MYO7B: variants seen among roughly 807,000 people sequenced by gnomAD.
MYO7B encodes the protein myosin VIIB.
In MYO7B, 212 loss-of-function variants were observed where a neutral mutation model predicts 259.7. The ratio of observed to expected loss-of-function variants is 0.82; its 90% confidence interval spans 0.73 to 0.91. The LOEUF (loss-of-function observed/expected upper bound fraction) is 0.91, where lower values mean the gene tolerates loss of function less well. Among genes scored for constraint, MYO7B ranks in the 40% least tolerant of loss-of-function variants. The pLI is 0.00. For missense variants in MYO7B, 2,732 were observed against 2,813.5 expected, an observed-to-expected ratio of 0.97 and a Z score of 0.66; for synonymous variants, 1,197 against 1,166.4, an observed-to-expected ratio of 1.03 and a Z score of -0.54.
intron 47 of MYO7B, 141 bp downstream of exon 47, chr2:127,637,054 G>T (rs1479770718): frequency 1.4e-6 from 2 of 1,409,784 alleles, no homozygotes; most frequent in Admixed American, 2.0e-5. Context: ...ATCTGGAGAG[G>T]GCCTGGGTGC....
Position 127,637,490 on chromosome 2 carries a change from C to T in MYO7B, c.*73C>T, listed in dbSNP as rs1681917558. 3.5e-6 allele frequency: 4 copies of T among 1,144,470 alleles called. No homozygotes were observed. Among genetic ancestry groups the T allele is most frequent in the East Asian group, 5.2e-5 (2 of 38,606 alleles). 70.9% of individuals were successfully genotyped at this position (1,144,470 alleles called of 1,614,324 possible). On this transcript the variant is annotated 3_prime_UTR_variant, in exon 48 of 48. Coordinates refer to ENST00000409816, the MANE Select transcript of MYO7B (RefSeq NM_001393586.1). Reference sequence around the variant, plus strand: ...CTGGCGGCACCTTCCCAGGCCCTCTCAACCCAGGGCCTGTCCTTGGCGGGC... The same window carrying T: ...CTGGCGGCACCTTCCCAGGCCCTCTTAACCCAGGGCCTGTCCTTGGCGGGC...
At chr2:127,566,583 G>A in intron 4 of MYO7B, 60 bp from the exon 5 acceptor site, 1 of 1,469,016 alleles carries the variant, frequency 6.8e-7, no homozygotes, top group Non-Finnish European at 9.0e-7. Flanking sequence ...CCAAGGCCAA[G>A]GCCAGGGCCG....
At chr2:127,629,533 G>T in intron 34 of MYO7B, 112 bp from the exon 35 acceptor site, 1 of 1,093,454 alleles carries the variant, frequency 9.1e-7, no homozygotes. Context: ...GTGGTCTTCT[G>T]CCCACCACTC....
rs993338497 is a variant in MYO7B, at chr2:127,628,612, A to G, written c.4624+77A>G. On this transcript the variant is annotated intron_variant, in intron 34 of 47. Coordinates refer to ENST00000409816, the MANE Select transcript of MYO7B (RefSeq NM_001393586.1). The surrounding 1 kb of genome is among the most constrained non-coding windows in gnomAD (Gnocchi z 4.8). ...CGCATGGGGTCTGTAGGTAGGTGGC[A>G]TGCTCATCTCCACACAGCAGCCACA... 3 of 1,394,334 alleles carry G rather than the reference A, an allele frequency of 2.2e-6. No homozygotes were observed. The African/African-American group carries it at 4.3e-5, about 20-fold the overall frequency. 86.4% of individuals were successfully genotyped at this position (1,394,334 alleles called of 1,614,324 possible). A position where few individuals can be genotyped will look rare whatever the true frequency, so the allele number is the denominator to read the frequency against.
Position 127,584,959 on chromosome 2 carries a change from T to C in MYO7B, c.1690+46T>C, listed in dbSNP as rs1377678446. 2.1e-5 allele frequency: 33 copies of C among 1,607,276 alleles called. No individual in the cohort carries two copies. The highest frequency in any genetic ancestry group is 2.8e-5 in the Non-Finnish European group (33 of 1,175,882). Reference sequence around the variant, plus strand: ...ATGTCCCTTCCAAATCTGGACCGGGTTCCAGGGAGACCGTGGAAAGCAGGC... The same window carrying C: ...ATGTCCCTTCCAAATCTGGACCGGGCTCCAGGGAGACCGTGGAAAGCAGGC... On this transcript the variant is annotated intron_variant, in intron 14 of 47. Transcript: ENST00000409816. This position sits in a 1 kb window ranked among gnomAD's most constrained non-coding sequence, Gnocchi z 5.8.
At chr2:127,571,089 A>T (rs1678584216) in intron 6 of MYO7B, among the ~76,000 whole-genome samples, 1 of 152,154 alleles carries the variant, frequency 6.6e-6, no homozygotes, top group Non-Finnish European at 1.5e-5. Flanking sequence ...TTTCCCTTGG[A>T]TAAATATGCA....
rs144834277 is a variant in MYO7B, at chr2:127,539,007, C to A, written c.-24+3176C>A. On this transcript the variant is annotated intron_variant, in intron 1 of 47. Transcript: ENST00000409816. The surrounding 1 kb of genome is among the most constrained non-coding windows in gnomAD (Gnocchi z 4.0). The stretch of plus-strand genomic sequence containing the variant: ...TACAGATCAAACTAATGAGCAGGTG[C>A]TGGAAAACTTTCAGCACAGTGTCTG... 7.7e-3 allele frequency among the ~76,000 whole-genome samples: 1,172 copies of A among 152,264 alleles called. 19 individuals carry two copies. Among genetic ancestry groups the A allele is most frequent in the African/African-American group, 0.027 (1,116 of 41,548 alleles).
intron 27 of MYO7B, 128 bp downstream of exon 27, chr2:127,620,594 A>G: frequency 8.9e-7 from 1 of 1,129,264 alleles, no homozygotes; most frequent in Non-Finnish European, 1.2e-6. Context: ...TGCAGGCCAG[A>G]TGGGCAGCCA....
intron 2 of MYO7B, among the ~76,000 whole-genome samples, chr2:127,562,981 C>T (rs1678170582): frequency 6.6e-6 from 1 of 152,192 alleles, no homozygotes. Flanking sequence ...TATGATTCTT[C>T]CCATGTTTTT....
At chr2:127,565,083 A>G (rs939134987) in intron 3 of MYO7B, 150 bp from the exon 4 acceptor site, 1 of 955,864 alleles carries the variant, frequency 1.0e-6, no homozygotes, top group African/African-American at 1.6e-5. Context: ...TCATAGACTG[A>G]CCCTGGCCGG....
intron 1 of MYO7B, among the ~76,000 whole-genome samples, chr2:127,548,060 T>C (rs941556230): frequency 1.3e-5 from 2 of 152,212 alleles, no homozygotes. Context: ...TTTTCATTTT[T>C]CAAGGAATTT....
Position 127,630,812 on chromosome 2 carries a change from T to C in MYO7B, c.4841T>C (p.Leu1614Pro), listed in dbSNP as rs759686036. Residue 1614 changes from leucine to proline, a missense_variant, in exon 36 of 48, where the codon CTG (leucine) becomes CCG (proline). Physicochemically the swap from Leu to Pro is moderately conservative, Grantham distance 98. This residue lies in a region of MYO7B where 821 missense variants were observed against 769.3 expected (regional missense o/e 1.07). Transcript: ENST00000409816. Reference sequence around the variant, plus strand: ...GCCATGTCACCAGAGAAGAGGAAGCTGGCGGCTCAGGAGGGGCAGTTCACA... The same window carrying C: ...GCCATGTCACCAGAGAAGAGGAAGCCGGCGGCTCAGGAGGGGCAGTTCACA... ...LLAMSPEKRK[L>P]AAQEGQFTEP... is the part of the protein sequence containing the mutation. 6 of 1,612,964 alleles carry C rather than the reference T, an allele frequency of 3.7e-6. No homozygotes were observed. In the South Asian group the frequency reaches 5.5e-5, roughly 15 times the overall value.
At chr2:127,558,746 C>T (rs1378466186) in intron 1 of MYO7B, among the ~76,000 whole-genome samples, 1 of 152,138 alleles carries the variant, frequency 6.6e-6, no homozygotes, top group Admixed American at 6.5e-5. Context: ...TCACAGCAAC[C>T]TGGATGGGAT....
At chr2:127,624,538 C>A (rs1681010200) in intron 30 of MYO7B, among the ~76,000 whole-genome samples, 1 of 152,238 alleles carries the variant, frequency 6.6e-6, no homozygotes, top group African/African-American at 2.4e-5. Flanking sequence ...GGCAGCAGGT[C>A]CCAGAGGGCC....
chr2:127,545,031 A>G (rs1207079002), intron 1 of MYO7B, among the ~76,000 whole-genome samples: 1 of 152,136 alleles, frequency 6.6e-6, no homozygotes, highest in Non-Finnish European at 1.5e-5. Context: ...GGCCCTAACC[A>G]TGCTTTTTAA....
chr2:127,576,685 T>A lies in MYO7B; in HGVS notation c.826T>A (p.Ser276Thr). Residue 276 changes from serine to threonine, a missense_variant, in exon 8 of 48, where the codon TCC becomes ACC. By Grantham distance (58) the Ser-to-Thr change is moderately conservative. Transcript: ENST00000409816. This position sits in a 1 kb window ranked among gnomAD's most constrained non-coding sequence, Gnocchi z 4.9. ...DKQLLSLGTP[S>T]EYHYLTMGNC... ...GCAGCTGCTGAGCCTGGGCACGCCC[T>A]CCGAGTACCACTACCTGACCATGGT... The A allele has an allele frequency of 1.2e-6, 2 of 1,606,934 alleles. No homozygotes were observed. Among genetic ancestry groups the A allele is most frequent in the Non-Finnish European group, 1.7e-6 (2 of 1,174,622 alleles).
intron 1 of MYO7B, among the ~76,000 whole-genome samples, chr2:127,554,617 CCT>C (rs1693571035): frequency 6.6e-6 from 1 of 152,010 alleles, no homozygotes; most frequent in African/African-American, 2.4e-5. Flanking sequence ...GGGAGGATTC[CCT>C]CTTTCTCTAT....
chr2:127,610,647 C>A (rs1680348310), intron 24 of MYO7B, among the ~76,000 whole-genome samples: 1 of 152,340 alleles, frequency 6.6e-6, no homozygotes, highest in Non-Finnish European at 1.5e-5. Flanking sequence ...AAGAACAGTC[C>A]AAATGAATTA....
intron 1 of MYO7B, among the ~76,000 whole-genome samples, chr2:127,558,894 G>A (rs1409066778): frequency 6.6e-6 from 1 of 152,190 alleles, no homozygotes; most frequent in Non-Finnish European, 1.5e-5. Flanking sequence ...CTCGGGGAAA[G>A]GGAGGGAAGG....
Sources: allele counts gnomAD v4.1 joint callset (sites outside exome capture counted in the v4.1 genomes callset), GRCh38; gene constraint gnomAD v4.1.1; regional missense constraint gnomAD v4.1.1; non-coding constraint Gnocchi (gnomAD v3.1); transcripts MANE v1.5; gene names NCBI Gene and HGNC (gene_info 2026-07-23, HGNC 2026-07-21).